UGT8: variants seen among roughly 807,000 people sequenced by gnomAD.
UGT8 encodes 2-hydroxyacylsphingosine 1-beta-galactosyltransferase.
A neutral mutation model predicts 40.5 loss-of-function variants in UGT8; 12 were observed. That is an observed-to-expected ratio of 0.30 (90% CI 0.19 to 0.48). UGT8 has a LOEUF of 0.48. UGT8 is among the 20% of genes least tolerant of loss of function. The pLI is 0.99. For missense variants in UGT8, 513 were observed against 648.7 expected, an observed-to-expected ratio of 0.79 and a Z score of 2.27; for synonymous variants, 224 against 240.4, an observed-to-expected ratio of 0.93 and a Z score of 0.63.
At chr4:114,655,290 A>G (rs1734115363) in intron 2 of UGT8, among the ~76,000 whole-genome samples, 2 of 152,046 alleles carry the variant, frequency 1.3e-5, no homozygotes, top group South Asian at 4.1e-4. Flanking sequence ...AGGGTCTGCA[A>G]TGCTGGATAT....
chr4:114,602,653 CA>C (rs1730508039), intron 1 of UGT8, among the ~76,000 whole-genome samples: 1 of 152,160 alleles, frequency 6.6e-6, no homozygotes, highest in African/African-American at 2.4e-5. Flanking sequence ...AAGGAGGAAA[CA>C]GGCTATTTTC....
At chr4:114,599,072 A>C (rs1404346423) in intron 1 of UGT8, 98 bp downstream of exon 1, 1 of 75,644 alleles carries the variant, frequency 1.3e-5, no homozygotes, top group Non-Finnish European at 2.4e-5. Context: ...GTGCCGGGCG[A>C]ATGGCTGCTG....
At chr4:114,604,805 G>T (rs896803199) in intron 1 of UGT8, among the ~76,000 whole-genome samples, 1 of 151,954 alleles carries the variant, frequency 6.6e-6, no homozygotes, top group African/African-American at 2.4e-5. Flanking sequence ...AAGATGAAAT[G>T]AATTTTATAT....
At chr4:114,651,600 A>G (rs1346090638) in intron 2 of UGT8, among the ~76,000 whole-genome samples, 2 of 152,096 alleles carry the variant, frequency 1.3e-5, no homozygotes, top group Non-Finnish European at 2.9e-5. Flanking sequence ...TAAGCTCTTT[A>G]ACATGCTCAC....
intron 2 of UGT8, among the ~76,000 whole-genome samples, chr4:114,640,231 C>T (rs894241412): frequency 2.0e-5 from 3 of 151,760 alleles, no homozygotes; most frequent in South Asian, 2.1e-4. Flanking sequence ...GGGGTTTCAC[C>T]GTGTTAGCCA....
intron 2 of UGT8, chr4:114,656,870 A>G (rs773536845): frequency 1.0e-5 from 5 of 488,690 alleles, no homozygotes; most frequent in African/African-American, 5.9e-5. Flanking sequence ...GTACGGCCTC[A>G]TTAAAAAATA....
At chr4:114,621,305 C>T (rs1731774124) in intron 1 of UGT8, among the ~76,000 whole-genome samples, 1 of 152,062 alleles carries the variant, frequency 6.6e-6, no homozygotes, top group African/African-American at 2.4e-5. Context: ...ATCCATTAAC[C>T]CTCTTGAGCT....
At position 114,618,354 on chromosome 4, in the gene UGT8, C is replaced by T. The variant is rs541020115; in HGVS notation, c.-2-4525C>T. 1.1e-3 allele frequency among the ~76,000 whole-genome samples: 167 copies of T among 152,324 alleles called. 5 individuals carry two copies. In the South Asian group the frequency reaches 0.012, roughly 11 times the overall value. On this transcript the variant is annotated intron_variant, in intron 1 of 5. Transcript: ENST00000310836. ...CATTTTCACCAACTTCTTAAGACTA[C>T]ACTGTGCCTTTGCAAGAGTTGAGCA... is the stretch of plus-strand genomic sequence containing the variant.
At chr4:114,639,331 C>T (rs886546033) in intron 2 of UGT8, among the ~76,000 whole-genome samples, 9 of 152,226 alleles carry the variant, frequency 5.9e-5, no homozygotes, top group Admixed American at 2.0e-4. Flanking sequence ...CTACAAGCCT[C>T]ATCTTCTAGG....
chr4:114,629,688 C>G (rs13120675), intron 2 of UGT8, among the ~76,000 whole-genome samples: 132,551 of 152,170 alleles, frequency 0.87, 59,782 homozygotes, highest in East Asian at 1. Flanking sequence ...TTCACTGATA[C>G]AAAAATTTTC....
chr4:114,599,191 G>C (rs1730280765), intron 1 of UGT8, among the ~76,000 whole-genome samples: 1 of 152,134 alleles, frequency 6.6e-6, no homozygotes, highest in African/African-American at 2.4e-5. Context: ...AGGGGTTGAG[G>C]GGGTGTGAAG....
At chr4:114,672,164 G>A (rs982454613) in intron 5 of UGT8, among the ~76,000 whole-genome samples, 4 of 152,254 alleles carry the variant, frequency 2.6e-5, no homozygotes, top group African/African-American at 9.6e-5. Context: ...AAAAAGTCAG[G>A]AAACAATAGG....
chr4:114,601,744 G>C (rs557388498), intron 1 of UGT8, among the ~76,000 whole-genome samples: 1 of 151,992 alleles, frequency 6.6e-6, no homozygotes, highest in South Asian at 2.1e-4. Flanking sequence ...GAGGTGTATA[G>C]AGCTGTTTTT....
intron 2 of UGT8, among the ~76,000 whole-genome samples, chr4:114,625,502 C>CTAGGTGTCAGAGTGAGA (rs1560678658): frequency 8.2e-6 from 1 of 122,598 alleles, no homozygotes; most frequent in Admixed American, 8.8e-5. Flanking sequence ...CAGAGTGAGA[C>CTAGGTGTCAGAGTGAGA]CCTGTCTAAA....
At chr4:114,650,542 A>G (rs1404909754) in intron 2 of UGT8, among the ~76,000 whole-genome samples, 1 of 152,150 alleles carries the variant, frequency 6.6e-6, no homozygotes, top group Non-Finnish European at 1.5e-5. Flanking sequence ...TGATTTGTCA[A>G]TTTTTATTTA....
chr4:114,625,089 C>T (rs1732114748), intron 2 of UGT8, among the ~76,000 whole-genome samples: 1 of 152,162 alleles, frequency 6.6e-6, no homozygotes, highest in Admixed American at 6.5e-5. Flanking sequence ...TAAAATGTTA[C>T]ACAAATCATC....
intron 2 of UGT8, among the ~76,000 whole-genome samples, chr4:114,634,138 C>T (rs1045372133): frequency 9.2e-5 from 14 of 151,952 alleles, no homozygotes; most frequent in Admixed American, 8.5e-4. Context: ...GAGTGATGGG[C>T]GGTTCTAAAA....
intron 4 of UGT8, among the ~76,000 whole-genome samples, chr4:114,666,602 T>C (rs1165784027): frequency 6.6e-6 from 1 of 152,202 alleles, no homozygotes; most frequent in Admixed American, 6.5e-5. Context: ...CCTTAGAAGA[T>C]AGGAAAGAAG....
At chr4:114,658,406 C>T (rs1458781998) in intron 2 of UGT8, among the ~76,000 whole-genome samples, 1 of 152,112 alleles carries the variant, frequency 6.6e-6, no homozygotes, top group Non-Finnish European at 1.5e-5. Flanking sequence ...CTGTGCTGGC[C>T]CCTTCTCAAG....
Sources: gnomAD v4.1 joint callset for allele counts (sites outside exome capture counted in the v4.1 genomes callset) on GRCh38, gnomAD v4.1.1 for gene constraint, MANE v1.5 for transcripts, NCBI Gene and HGNC (gene_info 2026-07-23, HGNC 2026-07-21) for gene names.